CDH23: variants seen among roughly 807,000 people sequenced by gnomAD.
CDH23 encodes cadherin-23.
CDH23 carries 189 observed loss-of-function variants against 317.1 expected under a neutral mutation model. That is an observed-to-expected ratio of 0.60 (90% CI 0.53 to 0.67). The LOEUF (loss-of-function observed/expected upper bound fraction) is 0.67. Ranked by LOEUF, CDH23 falls within the 30% of genes least tolerant of loss-of-function variation. The pLI is 0.00. For missense variants in CDH23, 4,401 were observed against 4,592.4 expected (o/e 0.96, Z 1.20); for synonymous variants, 1,839 against 1,876.8 (o/e 0.98, Z 0.52).
At chr10:71,625,731 T>C (rs1861702780) in intron 11 of CDH23, among the ~76,000 whole-genome samples, 1 of 152,236 alleles carries the variant, frequency 6.6e-6, no homozygotes, top group Admixed American at 6.5e-5. Context: ...TGCAGGCTTC[T>C]CCTGCGGGCC....
intron 14 of CDH23, among the ~76,000 whole-genome samples, chr10:71,664,401 G>T (rs1367927713): frequency 6.6e-6 from 1 of 152,168 alleles, no homozygotes; most frequent in Non-Finnish European, 1.5e-5. Context: ...CTCACACCTC[G>T]AGAGCACCCA....
intron 6 of CDH23, among the ~76,000 whole-genome samples, chr10:71,550,575 A>AG (rs1856528753): frequency 8.8e-6 from 1 of 113,068 alleles, no homozygotes; most frequent in African/African-American, 3.3e-5. Context: ...AAAAAAAAAA[A>AG]AAGAAAAAAG....
chr10:71,706,465 G>C (rs1304473994), intron 25 of CDH23, among the ~76,000 whole-genome samples: 1 of 152,166 alleles, frequency 6.6e-6, no homozygotes, highest in Non-Finnish European at 1.5e-5. Flanking sequence ...ACCTCCTAGG[G>C]TGCTCAGAGG....
chr10:71,637,192 A>G (rs116455502), intron 11 of CDH23, among the ~76,000 whole-genome samples: 159 of 152,266 alleles, frequency 1.0e-3, no homozygotes, highest in African/African-American at 3.7e-3. Context: ...CTACTGCTCA[A>G]TGTTATGGAT....
chr10:71,761,478 G>A, intron 38 of CDH23: 1 of 1,198,226 alleles, frequency 8.3e-7, no homozygotes, highest in South Asian at 1.6e-5. Context: ...CACACTCCCT[G>A]GAGTGCCAGT....
At chr10:71,580,861 A>C (rs1858579263) in intron 9 of CDH23, among the ~76,000 whole-genome samples, 2 of 148,150 alleles carry the variant, frequency 1.3e-5, no homozygotes, top group African/African-American at 2.5e-5. Flanking sequence ...CCCCATTCCT[A>C]CCCCTTTCTC....
chr10:71,500,372 CCTT>C (rs573407493), intron 3 of CDH23, among the ~76,000 whole-genome samples: 207 of 152,364 alleles, frequency 1.4e-3, no homozygotes, highest in African/African-American at 4.9e-3. Context: ...TTTAGTGCCT[CCTT>C]CTTCCCTGGA....
intron 6 of CDH23, among the ~76,000 whole-genome samples, chr10:71,518,618 G>A (rs931775497): frequency 1.3e-5 from 2 of 152,214 alleles, no homozygotes; most frequent in African/African-American, 2.4e-5. Flanking sequence ...AGGCACCTCC[G>A]TGATTTCGGT....
At chr10:71,781,787 A>G (rs1392578835) in intron 41 of CDH23, among the ~76,000 whole-genome samples, 1 of 152,192 alleles carries the variant, frequency 6.6e-6, no homozygotes, top group Non-Finnish European at 1.5e-5. Flanking sequence ...AAGAGTAGAC[A>G]TTTAGAGCCC....
intron 11 of CDH23, among the ~76,000 whole-genome samples, chr10:71,630,598 G>A (rs936120411): frequency 1.3e-5 from 2 of 152,230 alleles, no homozygotes; most frequent in African/African-American, 2.4e-5. Flanking sequence ...TAAAGCAGTC[G>A]ATTCAGTGAG....
At chr10:71,412,528 C>T (rs1848382973) in intron 1 of CDH23, among the ~76,000 whole-genome samples, 1 of 152,174 alleles carries the variant, frequency 6.6e-6, no homozygotes, top group African/African-American at 2.4e-5. Context: ...GGCTGGAGTG[C>T]AGTGGCTACA....
chr10:71,713,111 C>G lies in CDH23; in HGVS notation c.3369+298C>G, dbSNP rs2394838. 0.3 allele frequency: 234,285 copies of G among 771,594 alleles called. 41,987 individuals are homozygous for G. The highest frequency in any genetic ancestry group is 0.6 in the African/African-American group (35,663 of 59,012). The allele number at this position is 771,594 out of a possible 1,614,324, so 47.8% of individuals were successfully genotyped here. On this transcript the variant is annotated intron_variant, in intron 28 of 69. Coordinates refer to ENST00000224721, the MANE Select transcript of CDH23 (RefSeq NM_022124.6). The stretch of plus-strand genomic sequence containing the variant: ...CACCCAGAAGGGCCTTTCAGAGTAG[C>G]GGGGAGAAAGAGACGTCACAATTTC...
At chr10:71,629,105 A>C (rs1439427013) in intron 11 of CDH23, among the ~76,000 whole-genome samples, 1 of 152,200 alleles carries the variant, frequency 6.6e-6, no homozygotes, top group Non-Finnish European at 1.5e-5. Context: ...GGATTGGCTT[A>C]TTCCTTCATT....
rs954740991 is a variant in CDH23 at position 71,443,559 on chromosome 10, G to C, written c.68-2759G>C. Among the ~76,000 whole-genome samples the C allele has an allele frequency of 7.2e-5, 11 of 152,356 alleles. No homozygotes were observed. The East Asian group carries it at 2.1e-3, about 29-fold the overall frequency. ...ATGCCCTCCCGGTCTGCCTTTGCAG[G>C]CTCTAGTTGGGGAATGGCCATGGGG... is the stretch of plus-strand genomic sequence containing the variant. On this transcript the variant is annotated intron_variant, in intron 2 of 69. Coordinates refer to ENST00000224721, the MANE Select transcript of CDH23 (RefSeq NM_022124.6).
chr10:71,602,441 A>G (rs1335686682), intron 9 of CDH23, among the ~76,000 whole-genome samples: 1 of 152,190 alleles, frequency 6.6e-6, no homozygotes, highest in African/African-American at 2.4e-5. Context: ...CCACATAGCT[A>G]GAAGTAGTGG....
chr10:71,717,901 A>G (rs187722476), intron 28 of CDH23: 69 of 152,394 alleles, frequency 4.5e-4, no homozygotes, highest in African/African-American at 1.6e-3. Flanking sequence ...ACTTGATTTC[A>G]AAATAATGTG....
At chr10:71,467,228 T>C (rs2132076748) in intron 3 of CDH23, among the ~76,000 whole-genome samples, 1 of 152,294 alleles carries the variant, frequency 6.6e-6, no homozygotes, top group East Asian at 1.9e-4. Flanking sequence ...TTCAGTGTAT[T>C]AACTGTACAG....
chr10:71,426,065 C>G (rs2131965567), intron 1 of CDH23, among the ~76,000 whole-genome samples: 1 of 152,262 alleles, frequency 6.6e-6, no homozygotes, highest in South Asian at 2.1e-4. Context: ...TGGCTCCCCT[C>G]CCACCCCTCT....
At chr10:71,602,459 A>T (rs1860285775) in intron 9 of CDH23, among the ~76,000 whole-genome samples, 1 of 152,160 alleles carries the variant, frequency 6.6e-6, no homozygotes, top group African/African-American at 2.4e-5. Flanking sequence ...TGGAGCTAGG[A>T]TTTGAACTCA....
Sources: gnomAD v4.1 joint callset for allele counts (sites outside exome capture counted in the v4.1 genomes callset) on GRCh38, gnomAD v4.1.1 for gene constraint, MANE v1.5 for transcripts, NCBI Gene and HGNC (gene_info 2026-07-23, HGNC 2026-07-21) for gene names.